The following ABI3BP variants were observed in gnomAD, a reference collection of about 807,000 sequenced individuals.
The protein encoded by ABI3BP is target of Nesh-SH3.
Under a neutral mutation model 268.6 loss-of-function variants are expected in ABI3BP, and 216 were observed. The observed-to-expected ratio is 0.80, with a 90% CI of 0.72 to 0.90. The LOEUF is 0.90. ABI3BP is among the 40% of genes least tolerant of loss of function. The probability of loss-of-function intolerance (pLI) is 0.00; values close to 1 mark genes in which losing one functional copy is unlikely to be tolerated. For missense variants in ABI3BP, 2,090 were observed against 2,182.4 expected, an observed-to-expected ratio of 0.96 and a Z score of 0.84; for synonymous variants, 730 against 730.0, an observed-to-expected ratio of 1.00 and a Z score of 0.00.
chr3:100,939,180 G>T (rs1203507029), intron 1 of ABI3BP, among the ~76,000 whole-genome samples: 6 of 152,080 alleles, frequency 3.9e-5, no homozygotes, highest in Non-Finnish European at 4.4e-5. Context: ...CTAGGTCCCA[G>T]TAGGGAATTT....
chr3:100,940,603 C>T (rs1386428014), intron 1 of ABI3BP, among the ~76,000 whole-genome samples: 1 of 150,304 alleles, frequency 6.7e-6, no homozygotes, highest in Non-Finnish European at 1.5e-5. Context: ...AGGCCTCAAG[C>T]CACCCCACCC....
chr3:100,874,538 T>C (rs1420947241), intron 9 of ABI3BP, among the ~76,000 whole-genome samples: 18 of 152,218 alleles, frequency 1.2e-4, no homozygotes, highest in Admixed American at 1.2e-3. Flanking sequence ...AATAGTATAG[T>C]AAGTATAATT....
At chr3:100,759,557 G>C (rs1176288130) in intron 63 of ABI3BP, among the ~76,000 whole-genome samples, 2 of 152,162 alleles carry the variant, frequency 1.3e-5, no homozygotes, top group Non-Finnish European at 2.9e-5. Context: ...CCCCACTTCT[G>C]TGGGGACACA....
Position 100,839,605 on chromosome 3 carries a change from C to T in ABI3BP, c.1909G>A (p.Ala637Thr). 1 of 1,535,822 alleles carries T rather than the reference C, an allele frequency of 6.5e-7. No homozygotes were observed. Among genetic ancestry groups the T allele is most frequent in the Non-Finnish European group, 8.7e-7 (1 of 1,146,672 alleles). ...ACCAAGGGCTCCGGTTGTATCGTGG[C>T]AGGTTCCAGAGCTACAGAAGCAAAT... ...VPKSKPALEP[A>T]TIQPEPLVPT... is the part of the protein sequence containing the mutation. The change falls in exon 24 of 68, where the codon GCC becomes ACC. Residue 637 changes from alanine to threonine, a missense_variant. Coordinates refer to ENST00000471714, the MANE Select transcript of ABI3BP (RefSeq NM_001375547.2).
chr3:100,772,977 C>T (rs1330366451), intron 61 of ABI3BP, among the ~76,000 whole-genome samples: 1 of 150,246 alleles, frequency 6.7e-6, no homozygotes, highest in Non-Finnish European at 1.5e-5. Flanking sequence ...CTTGGGGAGG[C>T]TGAGGCAGGA....
intron 9 of ABI3BP, among the ~76,000 whole-genome samples, chr3:100,867,239 C>T (rs1261697090): frequency 1.0e-5 from 1 of 99,236 alleles, no homozygotes; most frequent in African/African-American, 3.3e-5. Context: ...TTGGATACAT[C>T]TCAAAGTCAT....
At chr3:100,818,436 G>A (rs1331824587) in intron 41 of ABI3BP, 89 bp downstream of exon 41, 2 of 1,078,368 alleles carry the variant, frequency 1.9e-6, no homozygotes, top group African/African-American at 3.2e-5. Flanking sequence ...AAGAATGACA[G>A]GATGGTCTTA....
At chr3:100,753,914 T>G in intron 64 of ABI3BP, 66 bp from the exon 65 acceptor site, 1 of 1,475,690 alleles carries the variant, frequency 6.8e-7, no homozygotes, top group South Asian at 1.2e-5. Flanking sequence ...AGTGGCATGG[T>G]GAAGATGATG....
At chr3:100,947,315 T>A (rs1434111324) in intron 1 of ABI3BP, among the ~76,000 whole-genome samples, 3 of 152,150 alleles carry the variant, frequency 2.0e-5, no homozygotes, top group African/African-American at 7.2e-5. Flanking sequence ...CCTCATCTAG[T>A]GGGTGTGGCC....
chr3:100,761,308 T>C (rs1242919363), intron 63 of ABI3BP, among the ~76,000 whole-genome samples: 1 of 152,138 alleles, frequency 6.6e-6, no homozygotes, highest in African/African-American at 2.4e-5. Context: ...AACATCTCTT[T>C]TGCATCATTT....
At chr3:100,876,752 G>A (rs13434191) in intron 6 of ABI3BP, among the ~76,000 whole-genome samples, 192 bp from the exon 7 acceptor site, 31 of 152,102 alleles carry the variant, frequency 2.0e-4, no homozygotes, top group African/African-American at 6.5e-4. Context: ...GGCTGAGGCG[G>A]GTGGATCACC....
intron 1 of ABI3BP, among the ~76,000 whole-genome samples, chr3:100,977,071 G>A (rs555815171): frequency 6.6e-6 from 1 of 152,028 alleles, no homozygotes; most frequent in South Asian, 2.1e-4. Flanking sequence ...TTTTTTTGTG[G>A]TCCTGGAAAG....
intron 56 of ABI3BP, 148 bp from the exon 57 acceptor site, chr3:100,787,950 C>G (rs1382712224): frequency 4.0e-6 from 2 of 500,822 alleles, no homozygotes; most frequent in African/African-American, 3.9e-5. Context: ...AAACCACAGT[C>G]TCGTATAAAA....
chr3:100,892,918 C>A (rs998935869), intron 4 of ABI3BP, among the ~76,000 whole-genome samples: 1 of 152,152 alleles, frequency 6.6e-6, no homozygotes, highest in African/African-American at 2.4e-5. Context: ...TGAGTGTCAA[C>A]TTGATTGGAT....
At chr3:100,824,192 G>A (rs762083436) in intron 36 of ABI3BP, among the ~76,000 whole-genome samples, 6 of 152,128 alleles carry the variant, frequency 3.9e-5, no homozygotes, top group Non-Finnish European at 8.8e-5. Flanking sequence ...CTGGCTTGAT[G>A]TACCCTTCCA....
chr3:100,981,744 A>G (rs952577050), intron 1 of ABI3BP, among the ~76,000 whole-genome samples: 1 of 152,156 alleles, frequency 6.6e-6, no homozygotes, highest in Admixed American at 6.5e-5. Flanking sequence ...GGCAAGAATT[A>G]TGTTGAAAAC....
intron 63 of ABI3BP, among the ~76,000 whole-genome samples, chr3:100,758,373 G>A (rs1242053366): frequency 6.6e-6 from 1 of 152,148 alleles, no homozygotes; most frequent in African/African-American, 2.4e-5. Flanking sequence ...GCATGTAAAA[G>A]CAAGGTGCTT....
intron 1 of ABI3BP, among the ~76,000 whole-genome samples, chr3:100,958,818 G>A (rs934289776): frequency 6.6e-5 from 10 of 152,164 alleles, no homozygotes; most frequent in African/African-American, 1.2e-4. Context: ...ACTATCATTC[G>A]AATACAGAAT....
rs372430294 is a variant in ABI3BP, at chr3:100,864,922, G to T, written c.989-15C>A. ...TTCAGGAGTCACTGAAAGGTAAAAAGCACAACTTTACAAATTAAGATAAAG... is the reference window on the plus strand; with the variant it reads ...TTCAGGAGTCACTGAAAGGTAAAAATCACAACTTTACAAATTAAGATAAAG... On this transcript the variant is annotated splice_polypyrimidine_tract_variant and intron_variant, in intron 10 of 67. Transcript: ENST00000471714. 10 of 1,588,866 alleles carry T rather than the reference G, an allele frequency of 6.3e-6. No individual in the cohort carries two copies. The African/African-American group carries it at 9.4e-5, about 15-fold the overall frequency.
Sources: allele counts gnomAD v4.1 joint callset (sites outside exome capture counted in the v4.1 genomes callset), GRCh38; gene constraint gnomAD v4.1.1; transcripts MANE v1.5; gene names NCBI Gene and HGNC (gene_info 2026-07-23, HGNC 2026-07-21).